The following ERC1 variants were observed in gnomAD, a reference collection of about 807,000 sequenced individuals.
The protein encoded by ERC1 is ELKS/RAB6-interacting/CAST family member 1, also known as RAB6 interacting protein 2.
In ERC1, 56 loss-of-function variants were observed where a neutral mutation model predicts 132.0. The observed-to-expected ratio is 0.42, with a 90% CI of 0.34 to 0.53. The LOEUF is 0.53. ERC1 is among the 20% of genes least tolerant of loss of function. ERC1 has a pLI of 0.03. For synonymous variants in ERC1, 478 were observed against 476.1 expected (o/e 1.00, Z -0.05); for missense variants, 1,202 against 1,349.9 (o/e 0.89, Z 1.72).
chr12:1,150,203 G>T (rs982933478), intron 8 of ERC1, among the ~76,000 whole-genome samples: 13 of 152,148 alleles, frequency 8.5e-5, no homozygotes, highest in African/African-American at 2.4e-4. Context: ...TGCAGTTTAG[G>T]CATACTTATA....
At chr12:1,070,379 C>A (rs1940119556) in intron 2 of ERC1, among the ~76,000 whole-genome samples, 2 of 151,856 alleles carry the variant, frequency 1.3e-5, no homozygotes, top group African/African-American at 4.8e-5. Context: ...TGGTTCACTG[C>A]AGCCTCAGAC....
At chr12:1,248,508 A>G (rs958861841) in intron 13 of ERC1, among the ~76,000 whole-genome samples, 2 of 152,166 alleles carry the variant, frequency 1.3e-5, no homozygotes, top group African/African-American at 4.8e-5. Flanking sequence ...GAAGACAAAA[A>G]ATTGAGGTTA....
At position 1,263,103 on chromosome 12, in the gene ERC1, A is replaced by G; in HGVS notation, c.2557A>G (p.Thr853Ala). 1 of 1,614,082 alleles carries G rather than the reference A, an allele frequency of 6.2e-7. No individual in the cohort carries two copies. The highest frequency in any genetic ancestry group is 1.7e-5 in the Admixed American group (1 of 60,028). ...EEALRESVQI[T>A]AEREMVLAQE... ...AGCACTAAGAGAAAGTGTACAGATA[A>G]CTGCAGAGCGGGAAATGGTGCTAGC... Residue 853 changes from threonine to alanine, a missense_variant, in exon 14 of 19, where the codon ACT becomes GCT. Coordinates refer to ENST00000360905, the MANE Select transcript of ERC1 (RefSeq NM_178040.4).
At chr12:1,268,405 G>A (rs942424845) in intron 14 of ERC1, among the ~76,000 whole-genome samples, 8 of 152,122 alleles carry the variant, frequency 5.3e-5, no homozygotes, top group African/African-American at 1.7e-4. Context: ...AAATGAAAAG[G>A]TAATAGATAC....
At chr12:1,104,951 G>A in intron 4 of ERC1, 127 bp downstream of exon 4, 3 of 601,374 alleles carry the variant, frequency 5.0e-6, no homozygotes, top group Non-Finnish European at 8.9e-6. Flanking sequence ...TTAAGAGTGA[G>A]AATCAATGAA....
chr12:1,245,948 T>G (rs967755611), intron 13 of ERC1, among the ~76,000 whole-genome samples: 7 of 152,180 alleles, frequency 4.6e-5, no homozygotes, highest in Non-Finnish European at 1.0e-4. Context: ...TTTCTTTTTT[T>G]AAATAGAGAC....
chr12:1,000,802 C>T (rs1265874533), intron 1 of ERC1, among the ~76,000 whole-genome samples: 1 of 152,114 alleles, frequency 6.6e-6, no homozygotes, highest in Non-Finnish European at 1.5e-5. Flanking sequence ...AAAAACTTCT[C>T]AAGAAATAAA....
Position 1,342,884 on chromosome 12 carries a change from A to G in ERC1, c.2781-28949A>G, listed in dbSNP as rs117841606. Reference sequence around the variant, plus strand: ...AAGGAAGTGATGTGATCCAATCCATATTTCAGGAAGATCGTGCTGACCCTG... The same window carrying G: ...AAGGAAGTGATGTGATCCAATCCATGTTTCAGGAAGATCGTGCTGACCCTG... On this transcript the variant is annotated intron_variant, in intron 15 of 18. Transcript: ENST00000360905. Among the ~76,000 whole-genome samples, 608 of 152,324 alleles carry G rather than the reference A, an allele frequency of 4.0e-3. 5 individuals are homozygous for G. The highest frequency in any genetic ancestry group is 6.5e-3 in the Non-Finnish European group (441 of 68,030).
chr12:1,350,858 G>C (rs986859336), intron 15 of ERC1, among the ~76,000 whole-genome samples: 1 of 152,198 alleles, frequency 6.6e-6, no homozygotes, highest in Admixed American at 6.5e-5. Flanking sequence ...CAGCAGAGAA[G>C]GTCAAAGGGG....
At chr12:1,273,503 T>C (rs2078027617) in intron 14 of ERC1, among the ~76,000 whole-genome samples, 1 of 152,250 alleles carries the variant, frequency 6.6e-6, no homozygotes, top group Non-Finnish European at 1.5e-5. Context: ...GTAGTCTTTA[T>C]AGCAGCACTG....
At chr12:1,124,639 T>A (rs777653083) in intron 7 of ERC1, among the ~76,000 whole-genome samples, 3 of 151,602 alleles carry the variant, frequency 2.0e-5, no homozygotes, top group Non-Finnish European at 2.9e-5. Context: ...CAATAAAGAA[T>A]AATAAATATA....
intron 18 of ERC1, among the ~76,000 whole-genome samples, chr12:1,464,713 G>T (rs772679816): frequency 1.3e-5 from 2 of 151,546 alleles, no homozygotes; most frequent in Admixed American, 1.3e-4. Context: ...TAAGAGACAG[G>T]GTTTCACCGT....
intron 12 of ERC1, among the ~76,000 whole-genome samples, chr12:1,195,102 C>T (rs530607165): frequency 6.6e-6 from 1 of 151,804 alleles, no homozygotes; most frequent in East Asian, 1.9e-4. Flanking sequence ...CCTAAAAAAA[C>T]CACAACAACT....
intron 7 of ERC1, among the ~76,000 whole-genome samples, chr12:1,129,677 A>G (rs1948566782): frequency 2.0e-5 from 3 of 152,366 alleles, no homozygotes; most frequent in African/African-American, 7.2e-5. Context: ...TTGGCAACTC[A>G]GAATTCTGTA....
In ERC1 at chr12:1,334,860, A is replaced by C. The variant is rs575265224; in HGVS notation, c.2781-36973A>C. 1.8e-3 allele frequency among the ~76,000 whole-genome samples: 277 copies of C among 152,288 alleles called. 1 individual carries two copies. Among genetic ancestry groups the C allele is most frequent in the African/African-American group, 4.6e-3 (193 of 41,552 alleles). ...ACGATATTGATTCTTCCTATCCATG[A>C]GCATGGAATGTTTTTCCATTTGTTT... On this transcript the variant is annotated intron_variant, in intron 15 of 18. Transcript: ENST00000360905.
At chr12:1,439,552 GC>G (rs1431205756) in intron 17 of ERC1, among the ~76,000 whole-genome samples, 1 of 152,132 alleles carries the variant, frequency 6.6e-6, no homozygotes, top group African/African-American at 2.4e-5. Context: ...TGTAAATGTA[GC>G]ATTGGGGCCA....
intron 12 of ERC1, among the ~76,000 whole-genome samples, chr12:1,208,041 G>A (rs1234909298): frequency 6.6e-6 from 1 of 152,090 alleles, no homozygotes; most frequent in Non-Finnish European, 1.5e-5. Context: ...TGTTAAAAAT[G>A]CTATCACCTT....
In ERC1 at chr12:1,493,340, C is replaced by T. The variant is rs941227509; in HGVS notation, c.*3110C>T. 2.3e-4 allele frequency: 40 copies of T among 177,480 alleles called. No individual in the cohort carries two copies. In the Middle Eastern group the frequency reaches 6.5e-3, roughly 29 times the overall value. 11.0% of individuals were successfully genotyped at this position (177,480 alleles called of 1,614,324 possible). On this transcript the variant is annotated 3_prime_UTR_variant, in exon 19 of 19. Transcript: ENST00000360905. ...GGCGGATCACCTGAGATCAGGAGTTCGAGGCCAGCCTGGCCAAGATGGCAA... is the reference window on the plus strand; with the variant it reads ...GGCGGATCACCTGAGATCAGGAGTTTGAGGCCAGCCTGGCCAAGATGGCAA...
chr12:1,341,821 A>G (rs1429114529), intron 15 of ERC1, among the ~76,000 whole-genome samples: 3 of 152,234 alleles, frequency 2.0e-5, no homozygotes, highest in Admixed American at 1.3e-4. Flanking sequence ...TTTTAAAAAA[A>G]GAAACTTGAA....
Sources: allele counts gnomAD v4.1 joint callset (sites outside exome capture counted in the v4.1 genomes callset), GRCh38; gene constraint gnomAD v4.1.1; transcripts MANE v1.5; gene names NCBI Gene and HGNC (gene_info 2026-07-23, HGNC 2026-07-21).